KDM5A: variants seen among roughly 807,000 people sequenced by gnomAD.
KDM5A encodes the protein lysine demethylase 5A, also known as lysine-specific demethylase 5A.
KDM5A carries 42 observed loss-of-function variants against 193.5 expected under a neutral mutation model. The observed-to-expected ratio is 0.22, with a 90% CI of 0.17 to 0.28. The LOEUF is 0.28. KDM5A is among the 10% of genes least tolerant of loss of function. The pLI is 1.00. For synonymous variants in KDM5A, 796 were observed against 718.1 expected (o/e 1.11, Z -1.73); for missense variants, 1,692 against 2,055.1 (o/e 0.82, Z 3.42).
chr12:377,799 G>A (rs1944525797), intron 3 of KDM5A, among the ~76,000 whole-genome samples: 1 of 152,068 alleles, frequency 6.6e-6, no homozygotes, highest in Non-Finnish European at 1.5e-5. Context: ...CCAGAATGAT[G>A]GCAGTAAAAG....
At chr12:291,969 C>G (rs1943300668) in intron 27 of KDM5A, among the ~76,000 whole-genome samples, 1 of 149,262 alleles carries the variant, frequency 6.7e-6, no homozygotes, top group South Asian at 2.1e-4. Context: ...ATGGAGCCAT[C>G]CTGGCTTACT....
chr12:357,089 G>A (rs138768128), intron 5 of KDM5A, among the ~76,000 whole-genome samples: 1 of 152,296 alleles, frequency 6.6e-6, no homozygotes, highest in Non-Finnish European at 1.5e-5. Flanking sequence ...AGACCAGCCT[G>A]GACAACACAG....
chr12:362,394 A>G (rs151121586), intron 5 of KDM5A, among the ~76,000 whole-genome samples: 69 of 151,704 alleles, frequency 4.5e-4, no homozygotes, highest in African/African-American at 1.5e-3. Flanking sequence ...TAGGCTTTGA[A>G]ATTATTTTAG....
In KDM5A at chr12:307,334, TG is replaced by T; in HGVS notation, c.3930+119del. The T allele has an allele frequency of 2.6e-6, 3 of 1,158,884 alleles. No homozygotes were observed. Among genetic ancestry groups the T allele is most frequent in the Admixed American group, 1.9e-5 (1 of 52,790 alleles). 71.8% of individuals were successfully genotyped at this position (1,158,884 alleles called of 1,614,324 possible). ...TAGTGTATGTTGAAGGAGAATGCAA[TG>T]GATAATTGCTGACAAGTTACTGTTA... On this transcript the variant is annotated intron_variant, in intron 23 of 27. Transcript: ENST00000399788. The surrounding 1 kb of genome is among the most constrained non-coding windows in gnomAD (Gnocchi z 4.3).
chr12:331,920 A>T lies in KDM5A; in HGVS notation c.1672T>A (p.Cys558Ser). The T allele has an allele frequency of 6.2e-7, 1 of 1,614,094 alleles. No individual in the cohort carries two copies. Among genetic ancestry groups the T allele is most frequent in the Non-Finnish European group, 8.5e-7 (1 of 1,179,922 alleles). ...HGVPVYRTNQ[C>S]AGEFVVTFPR... ...AATGTCACAACAAACTCGCCAGCAC[A>T]CTGATTGGTCCTGTACACCTAAATG... is the stretch of plus-strand genomic sequence containing the variant. Residue 558 changes from cysteine (C) to serine (S), a missense_variant, in exon 13 of 28, where the codon TGT becomes AGT. By Grantham distance (112) the Cys-to-Ser change is moderately radical. Transcript: ENST00000399788.
intron 2 of KDM5A, among the ~76,000 whole-genome samples, chr12:384,662 A>G (rs1304362136): frequency 6.6e-6 from 1 of 152,092 alleles, no homozygotes; most frequent in Non-Finnish European, 1.5e-5. Flanking sequence ...ATTCAGGCAA[A>G]AAAGTTACTC....
intron 10 of KDM5A, among the ~76,000 whole-genome samples, chr12:341,917 G>A (rs1192997452): frequency 1.4e-5 from 2 of 138,836 alleles, no homozygotes; most frequent in Admixed American, 7.3e-5. Context: ...AAAAAAGAGA[G>A]AGAGAGAAAT....
At chr12:330,596 T>C (rs1943852904) in intron 13 of KDM5A, among the ~76,000 whole-genome samples, 1 of 152,196 alleles carries the variant, frequency 6.6e-6, no homozygotes, top group Non-Finnish European at 1.5e-5. Context: ...AATTACCATG[T>C]ATCATAAACA....
At chr12:318,014 T>A (rs878880879) in intron 19 of KDM5A, 92 bp downstream of exon 19, 9 of 951,506 alleles carry the variant, frequency 9.5e-6, no homozygotes, top group Admixed American at 4.2e-5. Flanking sequence ...AAAAAAAAAG[T>A]CATTTAATGA....
At chr12:349,412 C>A (rs1433900619) in intron 10 of KDM5A, among the ~76,000 whole-genome samples, 1 of 149,000 alleles carries the variant, frequency 6.7e-6, no homozygotes, top group African/African-American at 2.5e-5. Context: ...CTCACTGCAA[C>A]CTCCGCTTCC....
chr12:328,731 A>C lies in KDM5A; in HGVS notation c.1968+104T>G, dbSNP rs148458116. Reference sequence around the variant, plus strand: ...AATCTTCTCCAAATCAGTGATCTTTATGCTCAACTCCTAGGGGATAAGGGA... The same window carrying C: ...AATCTTCTCCAAATCAGTGATCTTTCTGCTCAACTCCTAGGGGATAAGGGA... On this transcript the variant is annotated intron_variant, in intron 14 of 27. Coordinates refer to ENST00000399788, the MANE Select transcript of KDM5A (RefSeq NM_001042603.3). The C allele has an allele frequency of 1.8e-5, 17 of 953,122 alleles. No homozygotes were observed. In the East Asian group the frequency reaches 3.9e-4, roughly 22 times the overall value. The allele number at this position is 953,122 out of a possible 1,614,324, so 59.0% of individuals were successfully genotyped here. A position where few individuals can be genotyped will look rare whatever the true frequency, so the allele number is the denominator to read the frequency against.
At chr12:303,457 A>T (rs1001238516) in intron 24 of KDM5A, among the ~76,000 whole-genome samples, 1 of 152,226 alleles carries the variant, frequency 6.6e-6, no homozygotes, top group Non-Finnish European at 1.5e-5. Context: ...GTGGGAGTTG[A>T]ACAACGAGAA....
chr12:344,461 T>G (rs1232190165), intron 10 of KDM5A, among the ~76,000 whole-genome samples: 2 of 152,016 alleles, frequency 1.3e-5, no homozygotes, highest in Non-Finnish European at 2.9e-5. Flanking sequence ...AGACACATAA[T>G]TGTCAGATTC....
At chr12:332,040 T>A (rs1943872496) in intron 12 of KDM5A, 102 bp from the exon 13 acceptor site, 3 of 1,124,102 alleles carry the variant, frequency 2.7e-6, no homozygotes, top group Non-Finnish European at 3.9e-6. Context: ...TTTCTAAAAC[T>A]GAAAACAATA....
intron 21 of KDM5A, 55 bp from the exon 22 acceptor site, chr12:310,019 T>C (rs1591906492): frequency 1.3e-6 from 2 of 1,561,958 alleles, no homozygotes; most frequent in East Asian, 2.2e-5. Context: ...ATCTTAAAAG[T>C]AAAAATAATA....
chr12:355,692 T>C (rs548681029), intron 6 of KDM5A, among the ~76,000 whole-genome samples: 2 of 152,356 alleles, frequency 1.3e-5, no homozygotes, highest in African/African-American at 2.4e-5. Context: ...TAAGTCTTAT[T>C]ACATGGGATG....
At chr12:380,494 T>C (rs1440389921) in intron 3 of KDM5A, among the ~76,000 whole-genome samples, 1 of 152,164 alleles carries the variant, frequency 6.6e-6, no homozygotes, top group Non-Finnish European at 1.5e-5. Context: ...GGTGGGCAGA[T>C]CATTTCAGGT....
intron 24 of KDM5A, among the ~76,000 whole-genome samples, chr12:301,317 A>T (rs1160955829): frequency 6.6e-6 from 1 of 152,224 alleles, no homozygotes; most frequent in Non-Finnish European, 1.5e-5. Context: ...GTACATCAAA[A>T]AGCTTATCCA....
At chr12:345,444 C>A (rs1041151497) in intron 10 of KDM5A, among the ~76,000 whole-genome samples, 1 of 152,286 alleles carries the variant, frequency 6.6e-6, no homozygotes, top group East Asian at 1.9e-4. Flanking sequence ...GAACTCTCCA[C>A]CCCAAAGCAA....
Sources: allele counts gnomAD v4.1 joint callset (sites outside exome capture counted in the v4.1 genomes callset), GRCh38; gene constraint gnomAD v4.1.1; non-coding constraint Gnocchi (gnomAD v3.1); transcripts MANE v1.5; gene names NCBI Gene and HGNC (gene_info 2026-07-23, HGNC 2026-07-21).